The following UVRAG variants were observed in gnomAD, a reference collection of about 807,000 sequenced individuals.
UVRAG encodes the protein UV radiation resistance-associated gene protein.
A neutral mutation model predicts 78.0 loss-of-function variants in UVRAG; 19 were observed. The ratio of observed to expected loss-of-function variants is 0.24; its 90% CI spans 0.17 to 0.36. UVRAG has a LOEUF of 0.36. UVRAG is among the 10% of genes least tolerant of loss of function. The pLI, the probability that UVRAG is intolerant of heterozygous loss-of-function variation, is 1.00. For missense variants in UVRAG, 740 were observed against 853.8 expected (o/e 0.87, Z 1.66); for synonymous variants, 323 against 324.6 (o/e 1.00, Z 0.05).
intron 5 of UVRAG, among the ~76,000 whole-genome samples, chr11:75,897,512 A>G (rs762170050): frequency 6.6e-6 from 1 of 152,144 alleles, no homozygotes; most frequent in Non-Finnish European, 1.5e-5. Flanking sequence ...AGACATAGCT[A>G]TAATTTATTT....
intron 6 of UVRAG, chr11:75,916,885 C>T (rs866546454): frequency 3.5e-4 from 53 of 152,160 alleles, no homozygotes; most frequent in African/African-American, 1.2e-3. Context: ...TTGATATGGG[C>T]TACTTATTTG....
intron 8 of UVRAG, among the ~76,000 whole-genome samples, chr11:76,003,267 T>TCA (rs2135331958): frequency 7.5e-6 from 1 of 132,614 alleles, no homozygotes; most frequent in African/African-American, 2.9e-5. Context: ...ATTTTTTTTT[T>TCA]TTTTTTTTTT....
intron 14 of UVRAG, among the ~76,000 whole-genome samples, chr11:76,126,231 A>G (rs143798198): frequency 0.1 from 15,722 of 151,976 alleles, 1,895 homozygotes; most frequent in African/African-American, 0.3. Flanking sequence ...GTGAGCCACC[A>G]TGCCCGGCCT....
intron 2 of UVRAG, among the ~76,000 whole-genome samples, chr11:75,859,899 G>C (rs1032955938): frequency 1.3e-5 from 2 of 152,134 alleles, no homozygotes; most frequent in African/African-American, 4.8e-5. Flanking sequence ...GGGTCTGCTG[G>C]AGAAGGCGAA....
At chr11:75,891,346 A>G (rs1947209965) in intron 5 of UVRAG, among the ~76,000 whole-genome samples, 1 of 152,184 alleles carries the variant, frequency 6.6e-6, no homozygotes, top group African/African-American at 2.4e-5. Flanking sequence ...TGTTCATAAT[A>G]TCTCATGTAC....
chr11:75,976,928 T>C (rs545254235), intron 7 of UVRAG, among the ~76,000 whole-genome samples: 1 of 152,236 alleles, frequency 6.6e-6, no homozygotes, highest in Non-Finnish European at 1.5e-5. Context: ...ATGTGTTTGC[T>C]CTTGCTTCTC....
intron 12 of UVRAG, among the ~76,000 whole-genome samples, chr11:76,028,739 T>C (rs1211947133): frequency 6.6e-6 from 1 of 152,044 alleles, no homozygotes; most frequent in African/African-American, 2.4e-5. Context: ...AGGAGAAAAG[T>C]TGGAAGCTAC....
At chr11:76,045,414 A>G (rs1259586218) in intron 12 of UVRAG, among the ~76,000 whole-genome samples, 1 of 152,220 alleles carries the variant, frequency 6.6e-6, no homozygotes, top group African/African-American at 2.4e-5. Context: ...ATGATTAACC[A>G]AAGAATTACC....
At chr11:76,122,448 A>T (rs1565170091) in intron 14 of UVRAG, among the ~76,000 whole-genome samples, 1 of 152,216 alleles carries the variant, frequency 6.6e-6, no homozygotes, top group Admixed American at 6.5e-5. Context: ...TCCCTATAAA[A>T]TGAGGGTAAT....
chr11:76,070,518 T>C (rs1333479776), intron 13 of UVRAG, among the ~76,000 whole-genome samples: 3 of 152,220 alleles, frequency 2.0e-5, no homozygotes, highest in Non-Finnish European at 2.9e-5. Flanking sequence ...TCACTATGTA[T>C]ATGTATATCA....
chr11:75,851,825 G>A (rs1946158121), intron 1 of UVRAG, 58 bp from the exon 2 acceptor site: 2 of 1,414,882 alleles, frequency 1.4e-6, no homozygotes, highest in Non-Finnish European at 9.8e-7. Context: ...GCAACTTCCA[G>A]AAAATTTTAT....
chr11:76,074,528 T>G (rs990595406), intron 13 of UVRAG, among the ~76,000 whole-genome samples: 1 of 152,168 alleles, frequency 6.6e-6, no homozygotes, highest in African/African-American at 2.4e-5. Context: ...ATGATTTACA[T>G]TTGTATAGAA....
intron 12 of UVRAG, among the ~76,000 whole-genome samples, chr11:76,031,631 C>G (rs1950439949): frequency 6.6e-6 from 1 of 152,150 alleles, no homozygotes; most frequent in African/African-American, 2.4e-5. Context: ...CCAGATGACT[C>G]TGACATGTGA....
chr11:75,951,325 ATGTGTGTGTGTGTG>A (rs71036071), intron 6 of UVRAG, among the ~76,000 whole-genome samples: 24 of 149,592 alleles, frequency 1.6e-4, no homozygotes, highest in East Asian at 8.0e-4. Flanking sequence ...ATAATCTGAA[ATGTGTGTGTGTGTG>A]TGTGTGTGTG....
intron 1 of UVRAG, among the ~76,000 whole-genome samples, chr11:75,824,936 G>T (rs1363899827): frequency 6.6e-6 from 1 of 152,058 alleles, no homozygotes; most frequent in Non-Finnish European, 1.5e-5. Context: ...GCCTCCCAAT[G>T]TGCTGGGATT....
At chr11:76,018,737 C>A (rs1950191548) in intron 12 of UVRAG, among the ~76,000 whole-genome samples, 1 of 152,054 alleles carries the variant, frequency 6.6e-6, no homozygotes, top group African/African-American at 2.4e-5. Flanking sequence ...TATATTTATC[C>A]TTGTTTCTTT....
At chr11:75,820,536 G>T (rs1035397756) in intron 1 of UVRAG, among the ~76,000 whole-genome samples, 22 of 151,816 alleles carry the variant, frequency 1.4e-4, no homozygotes, top group African/African-American at 5.1e-4. Context: ...TGTATTTTTG[G>T]TAGAGATGAG....
At chr11:76,028,788 C>T (rs759635067) in intron 12 of UVRAG, among the ~76,000 whole-genome samples, 4 of 152,068 alleles carry the variant, frequency 2.6e-5, no homozygotes, top group Non-Finnish European at 4.4e-5. Flanking sequence ...GAAGCCATCC[C>T]TAGAACACAG....
chr11:75,974,717 T>C (rs1484550199), intron 7 of UVRAG, among the ~76,000 whole-genome samples: 1 of 152,216 alleles, frequency 6.6e-6, no homozygotes, highest in Non-Finnish European at 1.5e-5. Flanking sequence ...CACTTTTTGA[T>C]GGGGTTGTTT....
Sources: allele counts gnomAD v4.1 joint callset (sites outside exome capture counted in the v4.1 genomes callset), GRCh38; gene constraint gnomAD v4.1.1; transcripts MANE v1.5; gene names NCBI Gene and HGNC (gene_info 2026-07-23, HGNC 2026-07-21).